B4GALT3: variants seen among roughly 807,000 people sequenced by gnomAD.
The protein encoded by B4GALT3 is beta-1,4-galactosyltransferase 3.
B4GALT3 carries 29 observed loss-of-function variants against 40.7 expected under a neutral mutation model. The ratio of observed to expected loss-of-function variants is 0.71; its 90% CI spans 0.53 to 0.97. The LOEUF (loss-of-function observed/expected upper bound fraction) is 0.97. Among genes scored for constraint, B4GALT3 ranks in the 50% least tolerant of loss-of-function variants. The pLI is 0.00. For missense variants in B4GALT3, 390 were observed against 522.3 expected, an observed-to-expected ratio of 0.75 and a Z score of 2.47; for synonymous variants, 182 against 203.9, an observed-to-expected ratio of 0.89 and a Z score of 0.92.
In B4GALT3 at chr1:161,173,743, T is replaced by C. The variant is rs551153357; in HGVS notation, c.681-16A>G. 323 of 1,614,022 alleles carry C rather than the reference T, an allele frequency of 2.0e-4. 1 individual carries two copies. The South Asian group carries it at 3.4e-3, about 17-fold the overall frequency. ...GTACGGGAGGCTAGGGAGAGAAAGATCCTTGCATACCCCGAGTCTTCTGGG... is the reference window on the plus strand; with the variant it reads ...GTACGGGAGGCTAGGGAGAGAAAGACCCTTGCATACCCCGAGTCTTCTGGG... On this transcript the variant is annotated splice_polypyrimidine_tract_variant and intron_variant, in intron 5 of 7. Transcript: ENST00000319769.
intron 1 of B4GALT3, 129 bp downstream of exon 1, chr1:161,177,294 C>T (rs1315060169): frequency 1.2e-5 from 7 of 570,770 alleles, no homozygotes; most frequent in African/African-American, 5.6e-5. Flanking sequence ...CGGCCCCCGT[C>T]CATACTTCCA....
In B4GALT3 at chr1:161,171,907, G is replaced by C; in HGVS notation, c.1091C>G (p.Ala364Gly). 2 of 1,614,182 alleles carry C rather than the reference G, an allele frequency of 1.2e-6. No homozygotes were observed. Among genetic ancestry groups the C allele is most frequent in the East Asian group, 2.2e-5 (1 of 44,884 alleles). ...GCGTTGCAGCATCTCTTGACGGAAG[G>C]CTTGGGAGGAACCAGGTGGGTAACG... ...GPRYPPGSSQ[A>G]FRQEMLQRRP... The change falls in exon 8 of 8, where the codon GCC (alanine) becomes GGC (glycine). Residue 364 changes from alanine to glycine, a missense_variant. Transcript: ENST00000319769.
Position 161,176,483 on chromosome 1 carries a change from G to A in B4GALT3, c.-64C>T, listed in dbSNP as rs1663562444. The A allele has an allele frequency of 5.4e-6, 2 of 370,276 alleles. No homozygotes were observed. The highest frequency in any genetic ancestry group is 4.3e-5 in the Admixed American group (1 of 23,058). 22.9% of individuals were successfully genotyped at this position (370,276 alleles called of 1,614,324 possible). A position where few individuals can be genotyped will look rare whatever the true frequency, so the allele number is the denominator to read the frequency against. On this transcript the variant is annotated 5_prime_UTR_variant, in exon 2 of 8. Coordinates refer to ENST00000319769, the MANE Select transcript of B4GALT3 (RefSeq NM_003779.4). Reference sequence around the variant, plus strand: ...GATCATGGGGGCTCCAGGGGGTCCCGGGGGGACAGAGATGTGAGGCATTAT... The same window carrying A: ...GATCATGGGGGCTCCAGGGGGTCCCAGGGGGACAGAGATGTGAGGCATTAT...
Position 161,171,929 on chromosome 1 carries a change from A to G in B4GALT3, c.1069T>C (p.Tyr357His), listed in dbSNP as rs779461856. Reference sequence around the variant, plus strand: ...AAGGCTTGGGAGGAACCAGGTGGGTAACGTGGCCCAGAAGGAGCCCGAGGA... The same window carrying G: ...AAGGCTTGGGAGGAACCAGGTGGGTGACGTGGCCCAGAAGGAGCCCGAGGA... ...RGPRAPSGPR[Y>H]PPGSSQAFRQ... The change falls in exon 8 of 8, where the codon TAC (tyrosine) becomes CAC (histidine). Residue 357 changes from tyrosine (Y) to histidine (H), a missense_variant. This residue lies in a region of B4GALT3 where 72 missense variants were observed against 71.3 expected (regional missense o/e 1.01). Coordinates refer to ENST00000319769, the MANE Select transcript of B4GALT3 (RefSeq NM_003779.4). 6.2e-7 allele frequency: 1 copy of G among 1,614,182 alleles called. No homozygotes were observed. The highest frequency in any genetic ancestry group is 1.1e-5 in the South Asian group (1 of 91,090).
Position 161,173,685 on chromosome 1 carries a change from A to G in B4GALT3, c.723T>C (p.Thr241=). The change falls in exon 6 of 8, where the codon ACT becomes ACC. Residue 241 remains threonine, a synonymous_variant. Transcript: ENST00000319769. ...CATTCATCTTCAGGTACTGGTCAGG[A>G]GTAAGTGCTGAGACTCCTCCGAAGT... is the stretch of plus-strand genomic sequence containing the variant. The part of the protein sequence containing the change: ...PQYFGGVSAL[T]PDQYLKMNGF... 1 of 1,614,116 alleles carries G rather than the reference A, an allele frequency of 6.2e-7. No individual in the cohort carries two copies. Among genetic ancestry groups the G allele is most frequent in the Non-Finnish European group, 8.5e-7 (1 of 1,180,012 alleles).
At chr1:161,174,954 G>A (rs753440685) in intron 4 of B4GALT3, 39 bp downstream of exon 4, 1 of 1,596,850 alleles carries the variant, frequency 6.3e-7, no homozygotes, top group East Asian at 2.2e-5. Context: ...GGCTTCCTTA[G>A]AAGAAAGTCA....
chr1:161,174,446 G>T (rs1278619003), intron 4 of B4GALT3, among the ~76,000 whole-genome samples: 2 of 151,810 alleles, frequency 1.3e-5, no homozygotes, highest in African/African-American at 2.4e-5. Flanking sequence ...TGAAAAGAGG[G>T]AAATCAAAGT....
In B4GALT3 at chr1:161,174,959, AAGTC is replaced by A. The variant is rs766542275; in HGVS notation, c.489+30_489+33del. ...ATGTGCTTGAGGCTTCCTTAGAAGAAAGTCAGTCAAAATGAGGTGGAGATTGGGG... is the reference window on the plus strand; with the variant it reads ...ATGTGCTTGAGGCTTCCTTAGAAGAAAGTCAAAATGAGGTGGAGATTGGGG... On this transcript the variant is annotated intron_variant, in intron 4 of 7. Coordinates refer to ENST00000319769, the MANE Select transcript of B4GALT3 (RefSeq NM_003779.4). 16 of 1,600,488 alleles carry A rather than the reference AAGTC, an allele frequency of 1.0e-5. No homozygotes were observed. In the African/African-American group the frequency reaches 1.2e-4, roughly 12 times the overall value.
chr1:161,172,013 G>T lies in B4GALT3; in HGVS notation c.985C>A (p.Arg329=), dbSNP rs751099833. 5.6e-6 allele frequency: 9 copies of T among 1,614,206 alleles called. No individual in the cohort carries two copies. Among genetic ancestry groups the T allele is most frequent in the African/African-American group, 1.3e-5 (1 of 75,058 alleles). Residue 329 remains arginine, a synonymous_variant, in exon 8 of 8, where the codon CGA becomes AGA. Coordinates refer to ENST00000319769, the MANE Select transcript of B4GALT3 (RefSeq NM_003779.4). ...TTGGTATAAAGAGGCCCCAGCTCTC[G>T]AGCCAGCAACTGGTATGTCAGTGAG... is the stretch of plus-strand genomic sequence containing the variant. ...MNSLTYQLLA[R]ELGPLYTNIT...
Position 161,176,485 on chromosome 1 carries a change from G to T in B4GALT3, c.-66C>A. On this transcript the variant is annotated 5_prime_UTR_variant, in exon 2 of 8. Coordinates refer to ENST00000319769, the MANE Select transcript of B4GALT3 (RefSeq NM_003779.4). ...TCATGGGGGCTCCAGGGGGTCCCGGGGGGACAGAGATGTGAGGCATTATCT... is the reference window on the plus strand; with the variant it reads ...TCATGGGGGCTCCAGGGGGTCCCGGTGGGACAGAGATGTGAGGCATTATCT... The T allele has an allele frequency of 5.3e-6, 2 of 378,546 alleles. No individual in the cohort carries two copies. The highest frequency in any genetic ancestry group is 6.6e-5 in the South Asian group (2 of 30,494). 23.4% of individuals were successfully genotyped at this position (378,546 alleles called of 1,614,324 possible).
intron 2 of B4GALT3, 136 bp from the exon 3 acceptor site, chr1:161,176,210 AGGTG>A: frequency 3.2e-6 from 3 of 943,036 alleles, no homozygotes; most frequent in Non-Finnish European, 4.7e-6. Flanking sequence ...GGGAGCACAC[AGGTG>A]CACAGTCACG....
chr1:161,172,201 C>G, intron 7 of B4GALT3, 26 bp downstream of exon 7: 1 of 1,613,120 alleles, frequency 6.2e-7, no homozygotes, highest in Non-Finnish European at 8.5e-7. Flanking sequence ...AGTAACAATT[C>G]CCAGGCAGTC....
chr1:161,172,031 T>G lies in B4GALT3; in HGVS notation c.967A>C (p.Thr323Pro), dbSNP rs1661631276. The G allele has an allele frequency of 6.2e-7, 1 of 1,614,170 alleles. No homozygotes were observed. The highest frequency in any genetic ancestry group is 8.5e-7 in the Non-Finnish European group (1 of 1,180,016). Reference protein sequence around the residue: ...SWTQDGMNSLTYQLLARELGP... With the variant: ...SWTQDGMNSLPYQLLARELGP... Reference sequence around the variant, plus strand: ...AGCTCTCGAGCCAGCAACTGGTATGTCAGTGAGTTCATCCCATCTTGCGTC... The same window carrying G: ...AGCTCTCGAGCCAGCAACTGGTATGGCAGTGAGTTCATCCCATCTTGCGTC... The change falls in exon 8 of 8, where the codon ACA (threonine) becomes CCA (proline). Residue 323 changes from threonine to proline, a missense_variant. Thr to Pro is a conservative substitution (Grantham distance 38). Transcript: ENST00000319769.
At chr1:161,176,690 G>C in intron 1 of B4GALT3, 111 bp from the exon 2 acceptor site, 1 of 620,844 alleles carries the variant, frequency 1.6e-6, no homozygotes, top group South Asian at 2.0e-5. Context: ...TGGAAAGGAA[G>C]AGGAGGAGCA....
chr1:161,173,815 A>G, intron 5 of B4GALT3, 44 bp downstream of exon 5: 1 of 1,609,910 alleles, frequency 6.2e-7, no homozygotes, highest in Non-Finnish European at 8.5e-7. Flanking sequence ...CTTCCACAGG[A>G]TAGTAGGCTT....
At chr1:161,173,363 T>C (rs1291834895) in intron 6 of B4GALT3, among the ~76,000 whole-genome samples, 1 of 152,192 alleles carries the variant, frequency 6.6e-6, no homozygotes, top group East Asian at 1.9e-4. Flanking sequence ...CCGACGATAC[T>C]ATTTCCTATT....
intron 1 of B4GALT3, chr1:161,176,802 T>C (rs1484442107): frequency 6.7e-7 from 1 of 1,487,676 alleles, no homozygotes; most frequent in Admixed American, 2.0e-5. Context: ...CAGGACAGAT[T>C]GGGGAGTGGG....
chr1:161,176,965 A>G (rs1161068563), intron 1 of B4GALT3: 3 of 1,535,574 alleles, frequency 2.0e-6, no homozygotes, highest in East Asian at 2.4e-5. Context: ...CTGGGTGCCA[A>G]CTCCTCAGGT....
intron 1 of B4GALT3, chr1:161,177,109 G>A: frequency 6.6e-7 from 1 of 1,520,672 alleles, no homozygotes; most frequent in Non-Finnish European, 8.8e-7. Flanking sequence ...GGTTACTGCT[G>A]AAGAGAAAGG....
Sources: allele counts gnomAD v4.1 joint callset (sites outside exome capture counted in the v4.1 genomes callset), GRCh38; gene constraint gnomAD v4.1.1; regional missense constraint gnomAD v4.1.1; transcripts MANE v1.5; gene names NCBI Gene and HGNC (gene_info 2026-07-23, HGNC 2026-07-21).